Variants in PLCB4 observed in about 807,000 individuals in gnomAD.
The protein encoded by PLCB4 is 1-phosphatidylinositol 4,5-bisphosphate phosphodiesterase beta-4.
In PLCB4, 77 loss-of-function variants were observed where a neutral mutation model predicts 178.8. The observed-to-expected ratio is 0.43, with a 90% CI of 0.36 to 0.52. The LOEUF (loss-of-function observed/expected upper bound fraction) is 0.52. Among genes scored for constraint, PLCB4 ranks in the 20% least tolerant of loss-of-function variants. PLCB4 has a pLI of 0.00. For synonymous variants in PLCB4, 496 were observed against 490.8 expected, an observed-to-expected ratio of 1.01 and a Z score of -0.14; for missense variants, 1,024 against 1,453.4, an observed-to-expected ratio of 0.70 and a Z score of 4.80.
intron 3 of PLCB4, among the ~76,000 whole-genome samples, chr20:9,297,452 A>G (rs942875219): frequency 1.3e-5 from 2 of 152,104 alleles, no homozygotes; most frequent in African/African-American, 4.8e-5. Context: ...ACAAAATCTC[A>G]GTAATCACCA....
At chr20:9,214,560 GACACACACACAC>G (rs11474652) in intron 2 of PLCB4, among the ~76,000 whole-genome samples, 4 of 145,488 alleles carry the variant, frequency 2.7e-5, no homozygotes, top group African/African-American at 7.6e-5. Context: ...AAACACCCCA[GACACACACACAC>G]ACACACACAC....
intron 7 of PLCB4, among the ~76,000 whole-genome samples, chr20:9,360,571 C>T (rs921682944): frequency 1.3e-5 from 2 of 151,966 alleles, no homozygotes; most frequent in Non-Finnish European, 2.9e-5. Flanking sequence ...CAGTTAATGC[C>T]AACCCAATTA....
chr20:9,478,368 A>G (rs2044692401), intron 39 of PLCB4, among the ~76,000 whole-genome samples: 1 of 152,186 alleles, frequency 6.6e-6, no homozygotes, highest in Non-Finnish European at 1.5e-5. Context: ...TTCCTGTAAC[A>G]TTCCATTTAC....
At chr20:9,124,739 A>C (rs1464036199) in intron 2 of PLCB4, among the ~76,000 whole-genome samples, 1 of 152,122 alleles carries the variant, frequency 6.6e-6, no homozygotes, top group East Asian at 1.9e-4. Flanking sequence ...TGACCAATTC[A>C]CAAACTCCCT....
Position 9,473,375 on chromosome 20 carries a change from C to G in PLCB4, c.3495+10C>G. On this transcript the variant is annotated intron_variant, in intron 38 of 39. Coordinates refer to ENST00000378473, the MANE Select transcript of PLCB4 (RefSeq NM_001377142.1). ...GAAACAGAATGAGCAGGTATTTTAC[C>G]TAAAATACGTAAAAACATGCAGGCA... 1.3e-6 allele frequency: 2 copies of G among 1,509,170 alleles called. No individual in the cohort carries two copies. Among genetic ancestry groups the G allele is most frequent in the South Asian group, 1.2e-5 (1 of 85,826 alleles). 93.5% of individuals were successfully genotyped at this position (1,509,170 alleles called of 1,614,324 possible).
intron 2 of PLCB4, among the ~76,000 whole-genome samples, chr20:9,217,137 G>A (rs1008223654): frequency 1.3e-5 from 2 of 152,112 alleles, no homozygotes; most frequent in Admixed American, 1.3e-4. Flanking sequence ...AGATTAAGAG[G>A]GTGAGTAGGA....
At chr20:9,075,157 G>C (rs1047849086) in intron 1 of PLCB4, among the ~76,000 whole-genome samples, 1 of 152,090 alleles carries the variant, frequency 6.6e-6, no homozygotes, top group African/African-American at 2.4e-5. Flanking sequence ...ATCATCCCAG[G>C]ATGTTAAAGT....
At chr20:9,133,981 A>G (rs1431871982) in intron 2 of PLCB4, among the ~76,000 whole-genome samples, 1 of 152,240 alleles carries the variant, frequency 6.6e-6, no homozygotes, top group Admixed American at 6.5e-5. Context: ...GTCCTACTGT[A>G]AAGACCAGGG....
chr20:9,448,395 T>G (rs1377058093), intron 32 of PLCB4, among the ~76,000 whole-genome samples: 1 of 152,136 alleles, frequency 6.6e-6, no homozygotes, highest in Non-Finnish European at 1.5e-5. Flanking sequence ...GCACTCTCCC[T>G]ACTAGTGTGC....
intron 3 of PLCB4, among the ~76,000 whole-genome samples, chr20:9,233,600 A>T (rs924972764): frequency 1.6e-4 from 24 of 152,180 alleles, no homozygotes; most frequent in African/African-American, 4.3e-4. Context: ...GCTTAGATCC[A>T]AATGATGAGA....
chr20:9,355,206 A>G (rs2034689147), intron 7 of PLCB4, among the ~76,000 whole-genome samples: 1 of 152,158 alleles, frequency 6.6e-6, no homozygotes, highest in African/African-American at 2.4e-5. Context: ...AATACTGACA[A>G]TTTAATGCCA....
chr20:9,220,123 T>C (rs950956683), intron 3 of PLCB4, among the ~76,000 whole-genome samples: 19 of 152,312 alleles, frequency 1.2e-4, no homozygotes, highest in Non-Finnish European at 4.4e-5. Flanking sequence ...CACCCTTGCA[T>C]TAAGTGACCT....
chr20:9,384,044 T>A (rs2148368888), intron 13 of PLCB4, among the ~76,000 whole-genome samples, 157 bp from the exon 14 acceptor site: 1 of 152,358 alleles, frequency 6.6e-6, no homozygotes, highest in African/African-American at 2.4e-5. Flanking sequence ...GCAACTCTCT[T>A]ATTTCATTCA....
chr20:9,422,681 G>A (rs2040725565), intron 27 of PLCB4, among the ~76,000 whole-genome samples: 1 of 152,210 alleles, frequency 6.6e-6, no homozygotes, highest in African/African-American at 2.4e-5. Context: ...CTGTTCTTCA[G>A]AAGTTAAATC....
intron 2 of PLCB4, among the ~76,000 whole-genome samples, chr20:9,189,826 G>A (rs1241878929): frequency 6.6e-6 from 1 of 152,052 alleles, no homozygotes; most frequent in African/African-American, 2.4e-5. Flanking sequence ...CCTTTATAAG[G>A]CACTAATCCC....
intron 7 of PLCB4, among the ~76,000 whole-genome samples, chr20:9,342,295 A>G (rs765084531): frequency 6.6e-6 from 1 of 152,212 alleles, no homozygotes; most frequent in Admixed American, 6.5e-5. Flanking sequence ...GGCAGGATAC[A>G]TAAATCAAAT....
At chr20:9,303,734 C>CA (rs1405454594) in intron 3 of PLCB4, among the ~76,000 whole-genome samples, 2 of 152,062 alleles carry the variant, frequency 1.3e-5, no homozygotes, top group Non-Finnish European at 2.9e-5. Flanking sequence ...TTTAGTTCCT[C>CA]AAAAAACTAA....
chr20:9,258,322 C>A (rs1046870599), intron 3 of PLCB4, among the ~76,000 whole-genome samples: 14 of 151,944 alleles, frequency 9.2e-5, no homozygotes, highest in African/African-American at 3.4e-4. Flanking sequence ...TTGAGTGGAC[C>A]AGTAACTAAA....
intron 2 of PLCB4, among the ~76,000 whole-genome samples, chr20:9,103,345 T>G (rs1192958944): frequency 6.6e-6 from 1 of 152,228 alleles, no homozygotes; most frequent in Non-Finnish European, 1.5e-5. Flanking sequence ...ATAACAGTGA[T>G]AAACCCATTA....
Sources: gnomAD v4.1 joint callset for allele counts (sites outside exome capture counted in the v4.1 genomes callset) on GRCh38, gnomAD v4.1.1 for gene constraint, MANE v1.5 for transcripts, NCBI Gene and HGNC (gene_info 2026-07-23, HGNC 2026-07-21) for gene names.